The following LATS2 variants were observed in gnomAD, a reference collection of about 807,000 sequenced individuals.
LATS2 encodes the protein large tumor suppressor kinase 2, also known as serine/threonine-protein kinase LATS2.
LATS2 carries 24 observed loss-of-function variants against 76.0 expected under a neutral mutation model. That is an observed-to-expected ratio of 0.32 (90% CI 0.23 to 0.44). The LOEUF is 0.44. LATS2 is among the 20% of genes least tolerant of loss of function. The pLI is 1.00. For synonymous variants in LATS2, 692 were observed against 635.4 expected (o/e 1.09, Z -1.34); for missense variants, 1,286 against 1,481.2 (o/e 0.87, Z 2.16).
rs764619975 is a variant in LATS2, at chr13:20,988,261, C to G, written c.1519G>C (p.Gly507Arg). The stretch of plus-strand genomic sequence containing the variant: ...GGCGGGCACCTCCGGTCTGGGCCTC[C>G]GTACTCCACGTCCAGCGGGAAGGCG... ...AGAFPLDVEY[G>R]GPDRRCPPPP... Residue 507 changes from glycine (G) to arginine (R), a missense_variant, in exon 4 of 8, where the codon GGA becomes CGA. By Grantham distance (125) the Gly-to-Arg change is moderately radical. Around this residue, in one of 5 missense-constraint regions of LATS2, gnomAD observed 710 missense variants for 660.9 expected, o/e 1.07. Coordinates refer to ENST00000382592, the MANE Select transcript of LATS2 (RefSeq NM_014572.3). 6.3e-7 allele frequency: 1 copy of G among 1,598,330 alleles called. No individual in the cohort carries two copies.
At chr13:20,994,574 G>A (rs899089522) in intron 2 of LATS2, among the ~76,000 whole-genome samples, 4 of 152,122 alleles carry the variant, frequency 2.6e-5, no homozygotes, top group Non-Finnish European at 5.9e-5. Context: ...CGAGGAGCTT[G>A]GCCACTCACC....
At chr13:20,999,302 G>A (rs1870925747) in intron 2 of LATS2, among the ~76,000 whole-genome samples, 1 of 152,198 alleles carries the variant, frequency 6.6e-6, no homozygotes, top group Non-Finnish European at 1.5e-5. Flanking sequence ...CCAGACACAC[G>A]CCCGGAAGAC....
chr13:21,045,850 C>A lies in LATS2; in HGVS notation c.177G>T (p.Arg59Ser). ...AKVLGSKDAT[R>S]QQQQMRATPK... Reference sequence around the variant, plus strand: ...GGGTGGCTCTCATCTGCTGCTGCTGCCTGGTGGCATCTTTGCTCCCCAGGA... The same window carrying A: ...GGGTGGCTCTCATCTGCTGCTGCTGACTGGTGGCATCTTTGCTCCCCAGGA... Residue 59 changes from arginine to serine, a missense_variant, in exon 2 of 8, where the codon AGG becomes AGT. This residue lies in a region of LATS2 where 101 missense variants were observed against 141.4 expected (regional missense o/e 0.71). Coordinates refer to ENST00000382592, the MANE Select transcript of LATS2 (RefSeq NM_014572.3). 1 of 1,614,190 alleles carries A rather than the reference C, an allele frequency of 6.2e-7. No individual in the cohort carries two copies. Among genetic ancestry groups the A allele is most frequent in the African/African-American group, 1.3e-5 (1 of 75,032 alleles).
intron 1 of LATS2, among the ~76,000 whole-genome samples, chr13:21,056,727 A>C (rs1873460916): frequency 6.6e-6 from 1 of 152,230 alleles, no homozygotes; most frequent in African/African-American, 2.4e-5. Context: ...GAAGTAATAA[A>C]TACTGTGACT....
intron 2 of LATS2, among the ~76,000 whole-genome samples, chr13:20,995,944 C>T (rs1870732695): frequency 6.6e-6 from 1 of 152,166 alleles, no homozygotes; most frequent in South Asian, 2.1e-4. Context: ...CCACGTGCAA[C>T]AAGAAAATCC....
chr13:21,044,688 G>C (rs1047536956), intron 2 of LATS2, among the ~76,000 whole-genome samples: 1 of 117,760 alleles, frequency 8.5e-6, no homozygotes, highest in Non-Finnish European at 1.7e-5. Flanking sequence ...TGAGGTGTAG[G>C]GGTGTGTGTG....
chr13:21,029,643 T>C (rs1872443844), intron 2 of LATS2, among the ~76,000 whole-genome samples: 2 of 151,416 alleles, frequency 1.3e-5, no homozygotes, highest in African/African-American at 4.9e-5. Context: ...ATACAAAAAT[T>C]AGCCGGGTGT....
intron 2 of LATS2, among the ~76,000 whole-genome samples, chr13:21,028,840 T>G (rs2138375424): frequency 6.6e-6 from 1 of 152,298 alleles, no homozygotes; most frequent in East Asian, 1.9e-4. Context: ...AGTACTGAGA[T>G]TACAGGTGTG....
At chr13:21,019,298 GTTATTATTATTATTATTA>G (rs72479904) in intron 2 of LATS2, among the ~76,000 whole-genome samples, 126 of 144,570 alleles carry the variant, frequency 8.7e-4, no homozygotes, top group African/African-American at 2.4e-3. Context: ...ACTTGGATTT[GTTATTATTATTATTATTA>G]TTATTATTAT....
rs746029039 is a variant in LATS2 at position 20,975,292 on chromosome 13, T to G, written c.2845A>C (p.Thr949Pro). 3.7e-6 allele frequency: 6 copies of G among 1,612,568 alleles called. No homozygotes were observed. The highest frequency in any genetic ancestry group is 5.1e-6 in the Non-Finnish European group (6 of 1,179,132). ...KLSPEARDLI[T>P]KLCCSADHRL... The stretch of plus-strand genomic sequence containing the variant: ...TGGTCTGCGGAGCAGCACAGCTTGG[T>G]GATGAGGTCCCTGGCCTCAGGGCTC... The change falls in exon 8 of 8, where the codon ACC becomes CCC. Residue 949 changes from threonine to proline, a missense_variant. Thr to Pro is a conservative substitution (Grantham distance 38). Coordinates refer to ENST00000382592, the MANE Select transcript of LATS2 (RefSeq NM_014572.3).
At chr13:21,034,467 G>T (rs902988908) in intron 2 of LATS2, among the ~76,000 whole-genome samples, 1 of 152,156 alleles carries the variant, frequency 6.6e-6, no homozygotes, top group Non-Finnish European at 1.5e-5. Context: ...AGCCAGAGCC[G>T]GCACGTCCTT....
At chr13:21,032,254 T>TA (rs1269150778) in intron 2 of LATS2, among the ~76,000 whole-genome samples, 1 of 151,002 alleles carries the variant, frequency 6.6e-6, no homozygotes, top group Non-Finnish European at 1.5e-5. Flanking sequence ...ACTCTGTTCT[T>TA]ATGGCTTACC....
At chr13:20,976,310 A>C (rs930153587) in intron 7 of LATS2, among the ~76,000 whole-genome samples, 16 of 152,212 alleles carry the variant, frequency 1.1e-4, no homozygotes, top group Non-Finnish European at 1.9e-4. Context: ...GTTTGAACCT[A>C]AGTAGTTGTT....
intron 2 of LATS2, among the ~76,000 whole-genome samples, chr13:21,009,243 C>A (rs1377731013): frequency 6.6e-6 from 1 of 152,222 alleles, no homozygotes; most frequent in East Asian, 1.9e-4. Context: ...GGCTCCCCCA[C>A]CACGTGGTCA....
chr13:21,012,792 C>A (rs1035418136), intron 2 of LATS2, among the ~76,000 whole-genome samples: 4 of 151,930 alleles, frequency 2.6e-5, no homozygotes, highest in African/African-American at 4.8e-5. Context: ...CACACCCCCC[C>A]CCCACCTCCT....
chr13:21,017,784 C>G (rs746947082), intron 2 of LATS2, among the ~76,000 whole-genome samples: 4 of 152,156 alleles, frequency 2.6e-5, no homozygotes, highest in Middle Eastern at 3.4e-3. Context: ...CACCACCACA[C>G]CCAACTAATT....
At chr13:20,998,751 C>T (rs957294240) in intron 2 of LATS2, among the ~76,000 whole-genome samples, 1 of 152,202 alleles carries the variant, frequency 6.6e-6, no homozygotes, top group African/African-American at 2.4e-5. Flanking sequence ...CGGGGCGAGG[C>T]GGGGCGGGGC....
Position 20,988,255 on chromosome 13 carries a change from G to A in LATS2, c.1525C>T (p.Pro509Ser), listed in dbSNP as rs935412773. The change falls in exon 4 of 8, where the codon CCA (proline) becomes TCA (serine). Residue 509 changes from proline to serine, a missense_variant. This residue lies in a region of LATS2 where 710 missense variants were observed against 660.9 expected (regional missense o/e 1.07). Transcript: ENST00000382592. Reference sequence around the variant, plus strand: ...GGCGGAGGCGGGCACCTCCGGTCTGGGCCTCCGTACTCCACGTCCAGCGGG... The same window carrying A: ...GGCGGAGGCGGGCACCTCCGGTCTGAGCCTCCGTACTCCACGTCCAGCGGG... ...AFPLDVEYGGPDRRCPPPPYP... is the reference protein window; with the variant it reads ...AFPLDVEYGGSDRRCPPPPYP... The A allele has an allele frequency of 1.2e-6, 2 of 1,600,602 alleles. No individual in the cohort carries two copies. Among genetic ancestry groups the A allele is most frequent in the Non-Finnish European group, 8.5e-7 (1 of 1,178,818 alleles).
chr13:20,977,028 A>T (rs1869653863), intron 7 of LATS2, among the ~76,000 whole-genome samples: 1 of 152,206 alleles, frequency 6.6e-6, no homozygotes, highest in Admixed American at 6.5e-5. Context: ...ACAACAATGG[A>T]TGAACCCTGA....
Sources: allele counts gnomAD v4.1 joint callset (sites outside exome capture counted in the v4.1 genomes callset), GRCh38; gene constraint gnomAD v4.1.1; regional missense constraint gnomAD v4.1.1; transcripts MANE v1.5; gene names NCBI Gene and HGNC (gene_info 2026-07-23, HGNC 2026-07-21).